The following RABGEF1 variants were observed in gnomAD, a reference collection of about 807,000 sequenced individuals.
RABGEF1 encodes RAB guanine nucleotide exchange factor 1.
RABGEF1 carries 26 observed loss-of-function variants against 57.3 expected under a neutral mutation model. The ratio of observed to expected loss-of-function variants is 0.45; its 90% CI spans 0.33 to 0.63. RABGEF1 has a LOEUF of 0.63. Ranked by LOEUF, RABGEF1 falls within the 20% of genes least tolerant of loss-of-function variation. RABGEF1 has a pLI of 0.02. For synonymous variants in RABGEF1, 185 were observed against 210.7 expected (o/e 0.88, Z 1.06); for missense variants, 464 against 607.6 (o/e 0.76, Z 2.48).
At chr7:66,800,244 G>C (rs1786975939) in intron 7 of RABGEF1, among the ~76,000 whole-genome samples, 1 of 152,196 alleles carries the variant, frequency 6.6e-6, no homozygotes, top group South Asian at 2.1e-4. Flanking sequence ...AGAAGAAATG[G>C]AGGTTTGCTT....
At chr7:66,688,722 A>C (rs568284350) in intron 1 of RABGEF1, among the ~76,000 whole-genome samples, 1 of 152,342 alleles carries the variant, frequency 6.6e-6, no homozygotes, top group South Asian at 2.1e-4. Flanking sequence ...TAAAAATGAA[A>C]ACACAACATA....
intron 1 of RABGEF1, among the ~76,000 whole-genome samples, chr7:66,742,456 T>G (rs1378172684): frequency 6.6e-6 from 1 of 152,152 alleles, no homozygotes; most frequent in Non-Finnish European, 1.5e-5. Context: ...GCCGGGCATT[T>G]AGGCCATGCT....
At chr7:66,741,002 C>A (rs1798795353) in intron 1 of RABGEF1, among the ~76,000 whole-genome samples, 1 of 152,184 alleles carries the variant, frequency 6.6e-6, no homozygotes, top group Admixed American at 6.5e-5. Flanking sequence ...GCCCTCGGCT[C>A]CCTTAATCCT....
chr7:66,762,512 C>T (rs1467107371), intron 1 of RABGEF1, among the ~76,000 whole-genome samples: 2 of 151,960 alleles, frequency 1.3e-5, no homozygotes, highest in Non-Finnish European at 2.9e-5. Flanking sequence ...GTCGCTTGAG[C>T]CTGGGGAGGT....
upstream of RABGEF1, among the ~76,000 whole-genome samples, chr7:66,738,282 G>C (rs1405073979): frequency 3.3e-5 from 5 of 152,000 alleles, no homozygotes; most frequent in Non-Finnish European, 5.9e-5. Flanking sequence ...GCCTCCCAAA[G>C]TGCTGGGATT....
chr7:66,680,313 C>T (rs1789609413), upstream of RABGEF1, among the ~76,000 whole-genome samples: 1 of 151,730 alleles, frequency 6.6e-6, no homozygotes, highest in Non-Finnish European at 1.5e-5. Context: ...ATGTCGTGAT[C>T]TCGGCTCACT....
intron 3 of RABGEF1, among the ~76,000 whole-genome samples, chr7:66,780,025 C>T (rs1418192183): frequency 6.6e-6 from 1 of 152,132 alleles, no homozygotes. Flanking sequence ...AGTTAATCCT[C>T]ATTTACATTT....
intron 1 of RABGEF1, among the ~76,000 whole-genome samples, chr7:66,742,274 T>G (rs1308206182): frequency 6.6e-6 from 1 of 152,260 alleles, no homozygotes; most frequent in Non-Finnish European, 1.5e-5. Flanking sequence ...TAAGAGTCAC[T>G]GATTCATATC....
chr7:66,695,887 A>G (rs1792249517), intron 1 of RABGEF1, among the ~76,000 whole-genome samples: 1 of 151,864 alleles, frequency 6.6e-6, no homozygotes, highest in African/African-American at 2.4e-5. Context: ...TATCACTTAC[A>G]TCTGGGAGTC....
At chr7:66,727,331 T>G (rs978962288) in intron 2 of RABGEF1, among the ~76,000 whole-genome samples, 143 of 152,100 alleles carry the variant, frequency 9.4e-4, no homozygotes, top group Non-Finnish European at 4.6e-4. Flanking sequence ...GAATTGGGGG[T>G]TCTCTGGACT....
At chr7:66,721,596 C>T (rs1367685341) in intron 2 of RABGEF1, among the ~76,000 whole-genome samples, 1 of 152,168 alleles carries the variant, frequency 6.6e-6, no homozygotes, top group African/African-American at 2.4e-5. Context: ...CTGACTCTGA[C>T]CCTCCTGCCT....
At chr7:66,666,132 G>A in the RABGEF1 span, 1 of 152,522 alleles carries the variant, frequency 6.6e-6, no homozygotes, top group African/African-American at 2.4e-5. Context: ...GGGCGTGGGG[G>A]GCAGAATGTC....
intron 1 of RABGEF1, among the ~76,000 whole-genome samples, chr7:66,704,343 T>A (rs1793704991): frequency 1.3e-5 from 2 of 152,204 alleles, no homozygotes; most frequent in Admixed American, 1.3e-4. Flanking sequence ...TCTGACACTT[T>A]TTGCCAGCTT....
chr7:66,700,281 C>T (rs1465021313), intron 1 of RABGEF1, among the ~76,000 whole-genome samples: 1 of 152,242 alleles, frequency 6.6e-6, no homozygotes, highest in East Asian at 1.9e-4. Flanking sequence ...GGAGCTTGCT[C>T]TCTGCTCAGT....
chr7:66,745,509 G>A (rs1799993906), intron 1 of RABGEF1, among the ~76,000 whole-genome samples: 1 of 152,112 alleles, frequency 6.6e-6, no homozygotes, highest in East Asian at 1.9e-4. Context: ...GCTCACACCT[G>A]TAATCCCAAC....
the RABGEF1 span, among the ~76,000 whole-genome samples, chr7:66,671,720 G>A: frequency 2.4e-4 from 37 of 152,046 alleles, no homozygotes; most frequent in Non-Finnish European, 4.4e-4. Context: ...TACTTGTGAG[G>A]CTGAGGTGGG....
chr7:66,702,347 TTGTG>T (rs58655312), intron 1 of RABGEF1, among the ~76,000 whole-genome samples: 12,677 of 143,826 alleles, frequency 0.088, 1,233 homozygotes, highest in African/African-American at 0.25. Context: ...ATTGTTTTGT[TTGTG>T]TGTGTGTGTG....
At chr7:66,715,011 C>CTTCTTCTTCCTCCTCT (rs1795211518) in intron 2 of RABGEF1, among the ~76,000 whole-genome samples, 1 of 152,034 alleles carries the variant, frequency 6.6e-6, no homozygotes, top group South Asian at 2.1e-4. Context: ...TCCTCCTCCT[C>CTTCTTCTTCCTCCTCT]TTCTTCTTCC....
the RABGEF1 span, among the ~76,000 whole-genome samples, chr7:66,664,663 C>A: frequency 6.6e-6 from 1 of 152,182 alleles, no homozygotes; most frequent in African/African-American, 2.4e-5. Context: ...GCCCCCGCCT[C>A]CCCCTGAGCC....
Sources: allele counts gnomAD v4.1 joint callset (sites outside exome capture counted in the v4.1 genomes callset), GRCh38; gene constraint gnomAD v4.1.1; transcripts MANE v1.5; gene names NCBI Gene and HGNC (gene_info 2026-07-23, HGNC 2026-07-21).